Variants in SLC7A14 observed in about 807,000 individuals in gnomAD.
The protein encoded by SLC7A14 is solute carrier family 7 member 14.
A neutral mutation model predicts 60.2 loss-of-function variants in SLC7A14; 37 were observed. That is an observed-to-expected ratio of 0.61 (90% CI 0.47 to 0.81). SLC7A14 has a LOEUF of 0.81. SLC7A14 is among the 30% of genes least tolerant of loss of function. SLC7A14 has a pLI of 0.00. For synonymous variants in SLC7A14, 399 were observed against 395.8 expected, an observed-to-expected ratio of 1.01 and a Z score of -0.10; for missense variants, 886 against 982.7, an observed-to-expected ratio of 0.90 and a Z score of 1.32.
intron 1 of SLC7A14, among the ~76,000 whole-genome samples, chr3:170,554,251 T>C (rs1167117022): frequency 6.6e-6 from 1 of 152,210 alleles, no homozygotes; most frequent in African/African-American, 2.4e-5. Context: ...TTGATACTAT[T>C]ACATCTTCCA....
At chr3:170,581,250 T>C (rs1211152528) in intron 1 of SLC7A14, among the ~76,000 whole-genome samples, 1 of 152,174 alleles carries the variant, frequency 6.6e-6, no homozygotes. Context: ...TCATTTCAAT[T>C]TGTAATTAGT....
intron 2 of SLC7A14, among the ~76,000 whole-genome samples, chr3:170,526,147 ATTCCAGCACTTT>A (rs1713490179): frequency 6.6e-6 from 1 of 151,794 alleles, no homozygotes; most frequent in Non-Finnish European, 1.5e-5. Flanking sequence ...CATGCCTGTA[ATTCCAGCACTTT>A]GGAAGGCCGA....
intron 7 of SLC7A14, 89 bp from the exon 8 acceptor site, chr3:170,467,466 AAAGC>A: frequency 3.2e-6 from 3 of 935,584 alleles, no homozygotes; most frequent in East Asian, 3.3e-5. Context: ...TGATGAAATC[AAAGC>A]TGGCGGGGTG....
intron 4 of SLC7A14, chr3:170,495,795 C>T: frequency 8.8e-7 from 1 of 1,142,352 alleles, no homozygotes; most frequent in Non-Finnish European, 1.3e-6. Context: ...GAACAAGATG[C>T]TGGAGACCAA....
intron 1 of SLC7A14, among the ~76,000 whole-genome samples, chr3:170,549,609 C>T (rs961655938): frequency 1.3e-5 from 2 of 152,136 alleles, no homozygotes; most frequent in African/African-American, 4.8e-5. Flanking sequence ...TAAATATCGC[C>T]AGTGTGACAC....
intron 4 of SLC7A14, among the ~76,000 whole-genome samples, chr3:170,494,536 G>A (rs1712321390): frequency 6.6e-6 from 1 of 152,206 alleles, no homozygotes; most frequent in Non-Finnish European, 1.5e-5. Context: ...TAAAGGCAAC[G>A]CTAAAATGTG....
Position 170,481,019 on chromosome 3 carries a change from C to T in SLC7A14, c.1263G>A (p.Leu421=). The change falls in exon 7 of 8, where the codon TTG becomes TTA. Residue 421 remains leucine (L), a synonymous_variant. Coordinates refer to ENST00000231706, the MANE Select transcript of SLC7A14 (RefSeq NM_020949.3). Reference sequence around the variant, plus strand: ...GAAGGAGCAAGACACAGACAGAGACCAAGGTGTAGGCCAGGAGCGTGCCGA... The same window carrying T: ...GAAGGAGCAAGACACAGACAGAGACTAAGGTGTAGGCCAGGAGCGTGCCGA... ...MSIGTLLAYT[L]VSVCVLLLRY... 6.2e-7 allele frequency: 1 copy of T among 1,614,124 alleles called. No homozygotes were observed. Among genetic ancestry groups the T allele is most frequent in the African/African-American group, 1.3e-5 (1 of 75,006 alleles).
chr3:170,462,993 G>C lies in SLC7A14; in HGVS notation c.*4062C>G, dbSNP rs1739638734. 6.6e-6 allele frequency: 1 copy of C among 152,110 alleles called. No individual in the cohort carries two copies. The highest frequency in any genetic ancestry group is 1.5e-5 in the Non-Finnish European group (1 of 68,008). The allele number at this position is 152,110 out of a possible 1,614,324, so 9.4% of individuals were successfully genotyped here. A position where few individuals can be genotyped will look rare whatever the true frequency, so the allele number is the denominator to read the frequency against. On this transcript the variant is annotated 3_prime_UTR_variant, in exon 8 of 8. Coordinates refer to ENST00000231706, the MANE Select transcript of SLC7A14 (RefSeq NM_020949.3). Reference sequence around the variant, plus strand: ...TCAATTTGGAGTGTATATGTGGCTTGTTAGTTCCTTGCATAGGTAAGGAAG... The same window carrying C: ...TCAATTTGGAGTGTATATGTGGCTTCTTAGTTCCTTGCATAGGTAAGGAAG...
At chr3:170,548,242 A>G (rs1714236516) in intron 1 of SLC7A14, among the ~76,000 whole-genome samples, 1 of 152,242 alleles carries the variant, frequency 6.6e-6, no homozygotes, top group African/African-American at 2.4e-5. Flanking sequence ...CAGATAAGCC[A>G]GGACTCTTCC....
intron 2 of SLC7A14, among the ~76,000 whole-genome samples, chr3:170,506,221 A>G (rs187323170): frequency 3.3e-5 from 5 of 152,306 alleles, no homozygotes; most frequent in African/African-American, 1.2e-4. Context: ...GAGAAATATA[A>G]AGGATTTATT....
intron 2 of SLC7A14, among the ~76,000 whole-genome samples, chr3:170,510,739 C>T (rs371052948): frequency 1.4e-4 from 22 of 152,278 alleles, no homozygotes; most frequent in South Asian, 1.2e-3. Context: ...ATTGTTGAAG[C>T]GGCAAGTGGG....
chr3:170,562,126 C>T (rs764358061), intron 1 of SLC7A14, among the ~76,000 whole-genome samples: 1 of 152,166 alleles, frequency 6.6e-6, no homozygotes, highest in Non-Finnish European at 1.5e-5. Context: ...TTTGATCCAG[C>T]AATCCACTAC....
At chr3:170,491,416 G>A (rs191721442) in intron 4 of SLC7A14, among the ~76,000 whole-genome samples, 374 of 152,250 alleles carry the variant, frequency 2.5e-3, no homozygotes, top group African/African-American at 8.8e-3. Flanking sequence ...CAGATCAAAG[G>A]CAGGACATGT....
chr3:170,568,681 T>C (rs1204670371), intron 1 of SLC7A14, among the ~76,000 whole-genome samples: 6 of 152,210 alleles, frequency 3.9e-5, no homozygotes, highest in Non-Finnish European at 1.5e-5. Flanking sequence ...CCTCTTTTAT[T>C]TCATTGAGCA....
rs938594911 is a variant in SLC7A14 at position 170,585,818 on chromosome 3, C to A, written c.-153+93G>T. On this transcript the variant is annotated intron_variant, in intron 1 of 7. Coordinates refer to ENST00000231706, the MANE Select transcript of SLC7A14 (RefSeq NM_020949.3). The surrounding 1 kb of genome is among the most constrained non-coding windows in gnomAD (Gnocchi z 5.1). ...GTGACTCCGGCTCCCTGGGTCATTC[C>A]GGGAGAGGCGGCCATCCCAGTTGCA... 1.3e-5 allele frequency: 2 copies of A among 152,242 alleles called. No homozygotes were observed. Among genetic ancestry groups the A allele is most frequent in the Non-Finnish European group, 2.9e-5 (2 of 68,130 alleles). The allele number at this position is 152,242 out of a possible 1,614,324, so 9.4% of individuals were successfully genotyped here.
At chr3:170,496,607 G>A (rs1174629635) in intron 4 of SLC7A14, 20 of 1,584,094 alleles carry the variant, frequency 1.3e-5, no homozygotes, top group South Asian at 9.9e-5. Context: ...CCACCTACAG[G>A]AAGCTGCTGG....
At chr3:170,510,387 C>CAAAAAAAA (rs200708263) in intron 2 of SLC7A14, among the ~76,000 whole-genome samples, 1 of 98,906 alleles carries the variant, frequency 1.0e-5, no homozygotes, top group African/African-American at 3.9e-5. Context: ...AAGACTCTGT[C>CAAAAAAAA]AAAAAAAAAA....
intron 1 of SLC7A14, among the ~76,000 whole-genome samples, chr3:170,554,229 G>A (rs932202976): frequency 6.6e-6 from 1 of 152,202 alleles, no homozygotes; most frequent in Non-Finnish European, 1.5e-5. Flanking sequence ...ATGGCTAGGA[G>A]TGATTAGAGT....
At chr3:170,573,788 C>T (rs757538668) in intron 1 of SLC7A14, among the ~76,000 whole-genome samples, 14 of 152,188 alleles carry the variant, frequency 9.2e-5, no homozygotes. Flanking sequence ...GTCTCTGTTG[C>T]AGCCTGAATG....
Sources: allele counts gnomAD v4.1 joint callset (sites outside exome capture counted in the v4.1 genomes callset), GRCh38; gene constraint gnomAD v4.1.1; non-coding constraint Gnocchi (gnomAD v3.1); transcripts MANE v1.5; gene names NCBI Gene and HGNC (gene_info 2026-07-23, HGNC 2026-07-21).